AUTS2: variants seen among roughly 807,000 people sequenced by gnomAD.
The protein encoded by AUTS2 is autism susceptibility gene 2 protein.
AUTS2 carries 17 observed loss-of-function variants against 112.4 expected under a neutral mutation model. The observed-to-expected ratio is 0.15, with a 90% CI of 0.10 to 0.23. AUTS2 has a LOEUF of 0.23. AUTS2 is among the 10% of genes least tolerant of loss of function. The pLI, the probability that AUTS2 is intolerant of heterozygous loss-of-function variation, is 1.00. For missense variants in AUTS2, 1,510 were observed against 1,701.6 expected, an observed-to-expected ratio of 0.89 and a Z score of 1.98; for synonymous variants, 751 against 702.7, an observed-to-expected ratio of 1.07 and a Z score of -1.09.
At chr7:69,633,152 T>A (rs972497150) in intron 1 of AUTS2, among the ~76,000 whole-genome samples, 10 of 152,192 alleles carry the variant, frequency 6.6e-5, no homozygotes, top group Admixed American at 1.3e-4. Flanking sequence ...TTGAAAAAAA[T>A]TTTTAAGATT....
intron 1 of AUTS2, among the ~76,000 whole-genome samples, chr7:69,893,566 A>G (rs1794614678): frequency 6.6e-6 from 1 of 152,222 alleles, no homozygotes; most frequent in Non-Finnish European, 1.5e-5. Flanking sequence ...CTCTAAGATC[A>G]GATAACTAAC....
chr7:70,234,509 T>G lies in AUTS2; in HGVS notation c.660+99938T>G, dbSNP rs531315132. On this transcript the variant is annotated intron_variant, in intron 4 of 18. Transcript: ENST00000342771. ...CCAGGTGCTATGCCAGTTGTTTTTA[T>G]GTGTATTTTCTCAGTTGCTGTCTTA... is the stretch of plus-strand genomic sequence containing the variant. Among the ~76,000 whole-genome samples, 7 of 152,330 alleles carry G rather than the reference T, an allele frequency of 4.6e-5. No individual in the cohort carries two copies. The East Asian group carries it at 1.4e-3, about 29-fold the overall frequency.
intron 5 of AUTS2, among the ~76,000 whole-genome samples, chr7:70,690,204 G>C (rs1360891054): frequency 2.0e-5 from 3 of 152,198 alleles, no homozygotes; most frequent in South Asian, 2.1e-4. Context: ...GCTGGCTCCA[G>C]GGCCCAGCTC....
intron 1 of AUTS2, among the ~76,000 whole-genome samples, chr7:69,606,649 C>T (rs920192365): frequency 1.3e-5 from 2 of 151,824 alleles, no homozygotes; most frequent in African/African-American, 4.8e-5. Flanking sequence ...GGATAAAGAA[C>T]CTAGTAATGG....
intron 6 of AUTS2, among the ~76,000 whole-genome samples, chr7:70,710,933 C>A (rs1208061468): frequency 2.6e-5 from 4 of 152,220 alleles, no homozygotes; most frequent in African/African-American, 9.7e-5. Context: ...GACCTCTTCC[C>A]AAGATGTTAG....
intron 18 of AUTS2, among the ~76,000 whole-genome samples, chr7:70,787,808 C>T (rs1791612697): frequency 6.6e-6 from 1 of 152,198 alleles, no homozygotes; most frequent in Non-Finnish European, 1.5e-5. Flanking sequence ...TCCATTTAAC[C>T]ATCCATAGGT....
chr7:70,313,938 C>T (rs772404821), intron 4 of AUTS2, among the ~76,000 whole-genome samples: 11 of 152,148 alleles, frequency 7.2e-5, no homozygotes, highest in Non-Finnish European at 1.0e-4. Flanking sequence ...ATTAATTAGC[C>T]GCATTTTAGC....
At chr7:70,084,211 C>G (rs912884948) in intron 2 of AUTS2, among the ~76,000 whole-genome samples, 5 of 152,004 alleles carry the variant, frequency 3.3e-5, no homozygotes, top group Admixed American at 6.6e-5. Context: ...AGGGGGGGTT[C>G]TGGCTTCTTT....
chr7:70,196,124 G>GAGAA (rs1408911774), intron 4 of AUTS2, among the ~76,000 whole-genome samples: 2 of 152,234 alleles, frequency 1.3e-5, no homozygotes, highest in Non-Finnish European at 2.9e-5. Context: ...TGTGGAGTGA[G>GAGAA]AGAAGAGGTC....
intron 6 of AUTS2, among the ~76,000 whole-genome samples, chr7:70,748,317 A>T (rs149916603): frequency 6.6e-6 from 1 of 152,206 alleles, no homozygotes; most frequent in African/African-American, 2.4e-5. Context: ...AGTATTTATT[A>T]CATGGATGTT....
Position 69,660,912 on chromosome 7 carries a change from C to T in AUTS2, c.309+60950C>T, listed in dbSNP as rs1020081833. ...TCGCGCCACTGCACTTCAGCCTGGGCGACAGAGGAATAGTGCGTTTTCACT... is the reference window on the plus strand; with the variant it reads ...TCGCGCCACTGCACTTCAGCCTGGGTGACAGAGGAATAGTGCGTTTTCACT... On this transcript the variant is annotated intron_variant, in intron 1 of 18. Coordinates refer to ENST00000342771, the MANE Select transcript of AUTS2 (RefSeq NM_015570.4). Among the ~76,000 whole-genome samples the T allele has an allele frequency of 8.5e-5, 13 of 152,108 alleles. 1 individual carries two copies. The highest frequency in any genetic ancestry group is 1.9e-4 in the Non-Finnish European group (13 of 68,028).
intron 5 of AUTS2, among the ~76,000 whole-genome samples, chr7:70,450,820 G>A (rs1796501191): frequency 6.6e-6 from 1 of 152,146 alleles, no homozygotes; most frequent in Non-Finnish European, 1.5e-5. Context: ...GATTTTAGAG[G>A]CATTTCTGAA....
chr7:69,937,257 T>C (rs1235484185), intron 2 of AUTS2, among the ~76,000 whole-genome samples: 1 of 152,208 alleles, frequency 6.6e-6, no homozygotes, highest in Non-Finnish European at 1.5e-5. Flanking sequence ...TAAACCACTT[T>C]GGCCACAGAT....
chr7:69,667,018 A>T (rs1562796905), intron 1 of AUTS2, among the ~76,000 whole-genome samples: 1 of 152,182 alleles, frequency 6.6e-6, no homozygotes, highest in African/African-American at 2.4e-5. Flanking sequence ...TATTTCTTAC[A>T]GTTGTTGGAG....
intron 4 of AUTS2, among the ~76,000 whole-genome samples, chr7:70,305,514 C>T (rs1051295679): frequency 8.5e-5 from 13 of 152,178 alleles, no homozygotes; most frequent in African/African-American, 2.2e-4. Context: ...GGCTAAAGTT[C>T]GGTAAGAAAT....
intron 2 of AUTS2, among the ~76,000 whole-genome samples, chr7:69,906,430 G>C (rs1254422975): frequency 1.3e-5 from 2 of 152,188 alleles, no homozygotes; most frequent in Non-Finnish European, 2.9e-5. Flanking sequence ...CACTGGTGGT[G>C]GTGGGGAACT....
At chr7:70,600,418 G>C (rs1343819881) in intron 5 of AUTS2, among the ~76,000 whole-genome samples, 1 of 152,104 alleles carries the variant, frequency 6.6e-6, no homozygotes, top group Admixed American at 6.6e-5. Context: ...TGGGACTACA[G>C]GCGCCCGCCA....
At chr7:69,836,653 A>G (rs939997783) in intron 1 of AUTS2, among the ~76,000 whole-genome samples, 1 of 152,188 alleles carries the variant, frequency 6.6e-6, no homozygotes, top group Non-Finnish European at 1.5e-5. Flanking sequence ...TCACCAGACT[A>G]AACTCCTCAG....
At chr7:70,302,861 C>T (rs895200685) in intron 4 of AUTS2, among the ~76,000 whole-genome samples, 9 of 151,302 alleles carry the variant, frequency 5.9e-5, no homozygotes, top group Non-Finnish European at 8.8e-5. Flanking sequence ...TGCGTGCATG[C>T]GTGCTGCAAG....
Sources: allele counts gnomAD v4.1 joint callset (sites outside exome capture counted in the v4.1 genomes callset), GRCh38; gene constraint gnomAD v4.1.1; transcripts MANE v1.5; gene names NCBI Gene and HGNC (gene_info 2026-07-23, HGNC 2026-07-21).